Variants in UNC5D observed in about 807,000 individuals in gnomAD.
UNC5D encodes the protein netrin receptor UNC5D.
Under a neutral mutation model 105.4 loss-of-function variants are expected in UNC5D, and 39 were observed. That is an observed-to-expected ratio of 0.37 (90% CI 0.29 to 0.48). UNC5D has a LOEUF of 0.48. Ranked by LOEUF, UNC5D falls within the 20% of genes least tolerant of loss-of-function variation. The pLI, the probability that UNC5D is intolerant of heterozygous loss-of-function variation, is 0.98. For synonymous variants in UNC5D, 452 were observed against 450.4 expected (o/e 1.00, Z -0.04); for missense variants, 991 against 1,202.4 (o/e 0.82, Z 2.60).
rs962687156 is a variant in UNC5D at position 35,511,700 on chromosome 8, C to A, written c.104-37592C>A. ...AGAAGAAGAATTGTCTTGGGCCACA[C>A]AAAAAATAGATTAACAATAGCTGAT... On this transcript the variant is annotated intron_variant, in intron 1 of 16. Transcript: ENST00000404895. Among the ~76,000 whole-genome samples the A allele has an allele frequency of 6.3e-5, 9 of 142,606 alleles. No homozygotes were observed. In the East Asian group the frequency reaches 1.4e-3, roughly 23 times the overall value. The allele number at this position is 142,606 out of a possible 152,430, so 93.6% of individuals were successfully genotyped here. A position where few individuals can be genotyped will look rare whatever the true frequency, so the allele number is the denominator to read the frequency against.
At chr8:35,359,864 A>G (rs1299120568) in intron 1 of UNC5D, among the ~76,000 whole-genome samples, 1 of 152,174 alleles carries the variant, frequency 6.6e-6, no homozygotes, top group South Asian at 2.1e-4. Flanking sequence ...TTTGCTTACT[A>G]TCTAGATTTT....
chr8:35,584,092 G>A (rs1432657746), intron 3 of UNC5D, among the ~76,000 whole-genome samples: 1 of 152,128 alleles, frequency 6.6e-6, no homozygotes, highest in Non-Finnish European at 1.5e-5. Context: ...CACTTGAGAA[G>A]AATTTAAGTG....
Position 35,472,502 on chromosome 8 carries a change from C to T in UNC5D, c.104-76790C>T, listed in dbSNP as rs1278490279. Among the ~76,000 whole-genome samples the T allele has an allele frequency of 3.3e-5, 5 of 152,052 alleles. No individual in the cohort carries two copies. In the South Asian group the frequency reaches 1.0e-3, roughly 32 times the overall value. On this transcript the variant is annotated intron_variant, in intron 1 of 16. Transcript: ENST00000404895. Reference sequence around the variant, plus strand: ...TGATGCTGAGTGCCCTGGTAAGCAACCAGGTGAACTATAACCTTGTGTTTT... The same window carrying T: ...TGATGCTGAGTGCCCTGGTAAGCAATCAGGTGAACTATAACCTTGTGTTTT...
rs377681600 is a variant in UNC5D, at chr8:35,723,136, C to T, written c.1303+741C>T. Among the ~76,000 whole-genome samples, 478 of 152,152 alleles carry T rather than the reference C, an allele frequency of 3.1e-3. 1 individual carries two copies. The highest frequency in any genetic ancestry group is 0.011 in the African/African-American group (458 of 41,512). ...AGAGGATGAAGTTTTCTACCTTGAC[C>T]CTCATCGTCAATATCGTCACCTTCA... On this transcript the variant is annotated intron_variant, in intron 9 of 16. Transcript: ENST00000404895.
intron 1 of UNC5D, among the ~76,000 whole-genome samples, chr8:35,369,368 A>G (rs140920971): frequency 1.3e-5 from 2 of 152,326 alleles, no homozygotes; most frequent in African/African-American, 4.8e-5. Flanking sequence ...AGATTTTAGG[A>G]TGTTTTGGAG....
At chr8:35,659,867 AC>A (rs1824007336) in intron 4 of UNC5D, among the ~76,000 whole-genome samples, 1 of 152,290 alleles carries the variant, frequency 6.6e-6, no homozygotes, top group East Asian at 1.9e-4. Flanking sequence ...GCTATAAGGA[AC>A]CCCCCTTCCC....
At chr8:35,285,260 T>A (rs1248473118) in intron 1 of UNC5D, among the ~76,000 whole-genome samples, 1 of 152,204 alleles carries the variant, frequency 6.6e-6, no homozygotes, top group Non-Finnish European at 1.5e-5. Flanking sequence ...TTTTCCAACC[T>A]ATTCTCTGCA....
intron 1 of UNC5D, among the ~76,000 whole-genome samples, chr8:35,394,146 C>T (rs1343164510): frequency 6.6e-6 from 1 of 151,980 alleles, no homozygotes; most frequent in African/African-American, 2.4e-5. Context: ...AGGGGTAGTT[C>T]TTCAAAAGCA....
intron 13 of UNC5D, among the ~76,000 whole-genome samples, chr8:35,751,321 C>T (rs1830271454): frequency 6.6e-6 from 1 of 152,110 alleles, no homozygotes; most frequent in African/African-American, 2.4e-5. Context: ...CAATGTTATC[C>T]CCAGGAGCAA....
rs544366897 is a variant in UNC5D, at chr8:35,342,239, C to T, written c.103+106352C>T. 2.6e-5 allele frequency among the ~76,000 whole-genome samples: 4 copies of T among 152,144 alleles called. 1 individual carries two copies. The highest frequency in any genetic ancestry group is 9.6e-5 in the African/African-American group (4 of 41,524). ...CGTGACCCCAGAATCCCAGGTAGAT[C>T]AGAATTTGTCTTGGGGACAGACCAA... On this transcript the variant is annotated intron_variant, in intron 1 of 16. Coordinates refer to ENST00000404895, the MANE Select transcript of UNC5D (RefSeq NM_080872.4).
rs200052506 is a variant in UNC5D, at chr8:35,570,801, AG to A, written c.466+2561del. Among the ~76,000 whole-genome samples, 451 of 151,300 alleles carry A rather than the reference AG, an allele frequency of 3.0e-3. 4 individuals are homozygous for A. The highest frequency in any genetic ancestry group is 9.4e-3 in the African/African-American group (389 of 41,350). On this transcript the variant is annotated intron_variant, in intron 3 of 16. Transcript: ENST00000404895. ...AAACCCCATCTCTACTGAAAAAAAA[AG>A]AAAAAATTAGCCAGGTATGGTGGCA...
intron 4 of UNC5D, among the ~76,000 whole-genome samples, chr8:35,677,205 A>G (rs908176272): frequency 1.3e-4 from 20 of 152,188 alleles, no homozygotes; most frequent in African/African-American, 4.3e-4. Flanking sequence ...AGAGATTATT[A>G]AGCAAAAATG....
At chr8:35,355,920 C>T (rs947237088) in intron 1 of UNC5D, among the ~76,000 whole-genome samples, 1 of 152,060 alleles carries the variant, frequency 6.6e-6, no homozygotes, top group Non-Finnish European at 1.5e-5. Flanking sequence ...CCTCACCAGA[C>T]ACTAAACCTG....
At chr8:35,247,533 T>G (rs1314836472) in intron 1 of UNC5D, among the ~76,000 whole-genome samples, 2 of 123,076 alleles carry the variant, frequency 1.6e-5, no homozygotes, top group Admixed American at 1.1e-4. Flanking sequence ...TATATATATA[T>G]ATGTATAAAA....
At chr8:35,382,883 G>T (rs974820359) in intron 1 of UNC5D, among the ~76,000 whole-genome samples, 2 of 152,082 alleles carry the variant, frequency 1.3e-5, no homozygotes, top group Non-Finnish European at 2.9e-5. Flanking sequence ...CTAGTTTATG[G>T]ATATTACCTA....
At chr8:35,442,900 T>TCACACA (rs1285651626) in intron 1 of UNC5D, among the ~76,000 whole-genome samples, 9 of 135,032 alleles carry the variant, frequency 6.7e-5, no homozygotes, top group African/African-American at 2.7e-4. Context: ...TCTCTCTCTC[T>TCACACA]CTCTCACACA....
At chr8:35,675,441 G>A (rs182419034) in intron 4 of UNC5D, among the ~76,000 whole-genome samples, 1 of 152,148 alleles carries the variant, frequency 6.6e-6, no homozygotes, top group Non-Finnish European at 1.5e-5. Context: ...GACAAGTAGA[G>A]CAGAAAGAAA....
At chr8:35,538,389 A>T (rs1013278873) in intron 1 of UNC5D, among the ~76,000 whole-genome samples, 25 of 118,008 alleles carry the variant, frequency 2.1e-4, no homozygotes, top group African/African-American at 6.2e-4. Context: ...ATTTAAAAAA[A>T]AATAATTATA....
rs553100579 is a variant in UNC5D at position 35,508,260 on chromosome 8, T to C, written c.104-41032T>C. On this transcript the variant is annotated intron_variant, in intron 1 of 16. Transcript: ENST00000404895. ...TCAGTGCATTCTTCATACAGTGACC[T>C]TGGGGAGTCTTTTGTTTGTTTTGTT... Among the ~76,000 whole-genome samples the C allele has an allele frequency of 1.2e-4, 19 of 152,358 alleles. No homozygotes were observed. In the South Asian group the frequency reaches 2.9e-3, roughly 23 times the overall value.
Sources: gnomAD v4.1 joint callset for allele counts (sites outside exome capture counted in the v4.1 genomes callset) on GRCh38, gnomAD v4.1.1 for gene constraint, MANE v1.5 for transcripts, NCBI Gene and HGNC (gene_info 2026-07-23, HGNC 2026-07-21) for gene names.